SASS6: variants seen among roughly 807,000 people sequenced by gnomAD.
SASS6 encodes the protein SAS-6 centriolar assembly protein.
A neutral mutation model predicts 94.9 loss-of-function variants in SASS6; 59 were observed. The ratio of observed to expected loss-of-function variants is 0.62; its 90% CI spans 0.50 to 0.77. The LOEUF is 0.77. Among genes scored for constraint, SASS6 ranks in the 30% least tolerant of loss-of-function variants. The probability of loss-of-function intolerance (pLI) is 0.00; values close to 1 mark genes in which losing one functional copy is unlikely to be tolerated. For missense variants in SASS6, 698 were observed against 734.1 expected (o/e 0.95, Z 0.57); for synonymous variants, 264 against 270.0 (o/e 0.98, Z 0.22).
intron 1 of SASS6, among the ~76,000 whole-genome samples, chr1:100,130,033 A>G (rs1285298623): frequency 6.6e-6 from 1 of 152,192 alleles, no homozygotes; most frequent in African/African-American, 2.4e-5. Flanking sequence ...CCATTCTCAT[A>G]ATACCATGAA....
intron 13 of SASS6, among the ~76,000 whole-genome samples, chr1:100,105,080 A>G (rs1465236695): frequency 6.6e-6 from 1 of 152,028 alleles, no homozygotes; most frequent in Admixed American, 6.5e-5. Context: ...TCTTTTTCTG[A>G]TAGAATTCAG....
chr1:100,110,025 T>C (rs776762860), intron 8 of SASS6, among the ~76,000 whole-genome samples: 2 of 152,062 alleles, frequency 1.3e-5, no homozygotes, highest in African/African-American at 4.8e-5. Context: ...TGTGTTACTA[T>C]TAAAAACATA....
chr1:100,086,903 G>A (rs12124684), intron 15 of SASS6, among the ~76,000 whole-genome samples: 6,742 of 152,190 alleles, frequency 0.044, 175 homozygotes, highest in African/African-American at 0.06. Context: ...GGAATTCAAG[G>A]TGCTCTCCCT....
intron 14 of SASS6, among the ~76,000 whole-genome samples, chr1:100,088,912 T>C (rs1651495565): frequency 6.7e-6 from 1 of 149,502 alleles, no homozygotes; most frequent in African/African-American, 2.4e-5. Context: ...CTCACAATGC[T>C]CCACTTATCA....
chr1:100,118,986 G>T (rs774340368), intron 7 of SASS6, 32 bp downstream of exon 7: 7 of 1,452,410 alleles, frequency 4.8e-6, no homozygotes, highest in African/African-American at 2.8e-5. Flanking sequence ...AGCAATAAAA[G>T]ATATTTTTTC....
At chr1:100,123,635 A>G (rs1654363442) in intron 2 of SASS6, among the ~76,000 whole-genome samples, 1 of 152,188 alleles carries the variant, frequency 6.6e-6, no homozygotes, top group Non-Finnish European at 1.5e-5. Context: ...TGAACATACC[A>G]CATTCAATTT....
At chr1:100,132,039 C>T (rs1299567441) in intron 1 of SASS6, among the ~76,000 whole-genome samples, 1 of 152,062 alleles carries the variant, frequency 6.6e-6, no homozygotes, top group Non-Finnish European at 1.5e-5. Context: ...CCAATAATAC[C>T]ACCTCCTTAA....
At chr1:100,120,505 C>T in intron 5 of SASS6, 46 bp from the exon 6 acceptor site, 5 of 856,954 alleles carry the variant, frequency 5.8e-6, no homozygotes, top group Non-Finnish European at 9.9e-6. Context: ...ATGTAATCAT[C>T]TATAGCCATG....
chr1:100,123,340 GAGT>G (rs1424346723), intron 2 of SASS6, 51 bp from the exon 3 acceptor site: 8 of 841,724 alleles, frequency 9.5e-6, no homozygotes, highest in Non-Finnish European at 1.6e-5. Flanking sequence ...CTGGCCTTTT[GAGT>G]AATTTCTTCT....
chr1:100,095,476 T>A (rs914810591), intron 14 of SASS6, among the ~76,000 whole-genome samples: 19 of 152,206 alleles, frequency 1.2e-4, no homozygotes, highest in Non-Finnish European at 2.1e-4. Flanking sequence ...GAAGTTGCAG[T>A]GAGCCAAGAA....
At chr1:100,089,405 T>C (rs72973312) in intron 14 of SASS6, among the ~76,000 whole-genome samples, 6,289 of 152,084 alleles carry the variant, frequency 0.041, 322 homozygotes, top group African/African-American at 0.12. Context: ...AAAAACTTCA[T>C]GAAAACCCCA....
intron 1 of SASS6, among the ~76,000 whole-genome samples, chr1:100,128,100 G>A (rs1206235567): frequency 1.3e-5 from 2 of 151,842 alleles, no homozygotes; most frequent in Admixed American, 6.6e-5. Flanking sequence ...GCAATGGTGC[G>A]ATCTTGGCTC....
chr1:100,106,715 T>C (rs981167462), intron 12 of SASS6, among the ~76,000 whole-genome samples, 197 bp downstream of exon 12: 5 of 151,896 alleles, frequency 3.3e-5, no homozygotes, highest in African/African-American at 9.7e-5. Flanking sequence ...ATTAGCTGAG[T>C]GTGGTGGTGC....
At chr1:100,099,359 G>C (rs925559350) in intron 14 of SASS6, 2 of 153,618 alleles carry the variant, frequency 1.3e-5, no homozygotes, top group Admixed American at 6.6e-5. Context: ...AAATGTAAAC[G>C]TTCCTGTAGA....
chr1:100,089,168 G>A (rs1651512987), intron 14 of SASS6, among the ~76,000 whole-genome samples: 1 of 152,066 alleles, frequency 6.6e-6, no homozygotes, highest in African/African-American at 2.4e-5. Flanking sequence ...ATTATACACT[G>A]CAGTAAGAAA....
chr1:100,102,808 G>C, intron 14 of SASS6, 147 bp downstream of exon 14: 1 of 586,138 alleles, frequency 1.7e-6, no homozygotes, highest in Non-Finnish European at 3.0e-6. Context: ...ATAGATACTA[G>C]ATATTCAGTA....
At chr1:100,126,507 G>GTGGCTCACA (rs1654635727) in intron 1 of SASS6, among the ~76,000 whole-genome samples, 1 of 152,174 alleles carries the variant, frequency 6.6e-6, no homozygotes, top group Non-Finnish European at 1.5e-5. Context: ...GCCCGTCGCA[G>GTGGCTCACA]TGGCTCACAC....
In SASS6 at chr1:100,107,459, A is replaced by G; in HGVS notation, c.1241T>C (p.Leu414Pro). The change falls in exon 11 of 17, where the codon CTC (leucine) becomes CCC (proline). Residue 414 changes from leucine (L) to proline (P), a missense_variant. Transcript: ENST00000287482. ...TAATTTTTCCTCCTTCTCAGCCAAG[A>G]GTTTTTCTTGCTGAATAGTAACTGT... ...KNTVTIQQEK[L>P]LAEKEEKLQK... 6.2e-7 allele frequency: 1 copy of G among 1,608,374 alleles called. No homozygotes were observed. Among genetic ancestry groups the G allele is most frequent in the South Asian group, 1.1e-5 (1 of 90,920 alleles).
At chr1:100,123,924 A>G (rs1372719749) in intron 2 of SASS6, among the ~76,000 whole-genome samples, 1 of 152,244 alleles carries the variant, frequency 6.6e-6, no homozygotes, top group Non-Finnish European at 1.5e-5. Context: ...GTGGGAGACC[A>G]TCATAACAGC....
Sources: allele counts gnomAD v4.1 joint callset (sites outside exome capture counted in the v4.1 genomes callset), GRCh38; gene constraint gnomAD v4.1.1; transcripts MANE v1.5; gene names NCBI Gene and HGNC (gene_info 2026-07-23, HGNC 2026-07-21).